DYNC2H1: variants seen among roughly 807,000 people sequenced by gnomAD.
DYNC2H1 encodes dynein cytoplasmic 2 heavy chain 1.
DYNC2H1 carries 410 observed loss-of-function variants against 570.0 expected under a neutral mutation model. The observed-to-expected ratio is 0.72, with a 90% CI of 0.66 to 0.78. The LOEUF is 0.78. DYNC2H1 is among the 30% of genes least tolerant of loss of function. The pLI is 0.00. For missense variants in DYNC2H1, 4,865 were observed against 5,046.4 expected, an observed-to-expected ratio of 0.96 and a Z score of 1.09; for synonymous variants, 1,688 against 1,677.6, an observed-to-expected ratio of 1.01 and a Z score of -0.15.
At position 103,311,980 on chromosome 11, in the gene DYNC2H1, A is replaced by G. The variant is rs1867610181; in HGVS notation, c.11596A>G (p.Ser3866Gly). The G allele has an allele frequency of 1.2e-6, 2 of 1,613,556 alleles. No individual in the cohort carries two copies. The highest frequency in any genetic ancestry group is 1.7e-6 in the Non-Finnish European group (2 of 1,179,766). The change falls in exon 79 of 89, where the codon AGT becomes GGT. Residue 3866 changes from serine (S) to glycine (G), a missense_variant. Physicochemically the swap from Ser to Gly is moderately conservative, Grantham distance 56. Around this residue, in one of 5 missense-constraint regions of DYNC2H1, gnomAD observed 2,401 missense variants for 2,454.6 expected, o/e 0.98. Coordinates refer to ENST00000375735, the MANE Select transcript of DYNC2H1 (RefSeq NM_001377.3). ...DNTHRAHALF[S>G]LAWFHAACQE... ...TACACATCGAGCTCATGCTCTCTTC[A>G]GTCTTGCATGGTTTCATGCTGCATG...
intron 88 of DYNC2H1, among the ~76,000 whole-genome samples, chr11:103,473,198 A>C (rs1945442355): frequency 6.6e-6 from 1 of 152,142 alleles, no homozygotes; most frequent in South Asian, 2.1e-4. Flanking sequence ...ATGCTGATGA[A>C]ATATTTTTCT....
Position 103,153,391 on chromosome 11 carries a change from A to T in DYNC2H1, c.3185A>T (p.Lys1062Met), listed in dbSNP as rs767787701. The T allele has an allele frequency of 5.1e-6, 8 of 1,555,016 alleles. No homozygotes were observed. The South Asian group carries it at 9.6e-5, about 19-fold the overall frequency. ...TTTAAAGCTCGTTGGGACCAACTAAAGCCTGGTGATGATGTTATTGAAACT... is the reference window on the plus strand; with the variant it reads ...TTTAAAGCTCGTTGGGACCAACTAATGCCTGGTGATGATGTTATTGAAACT... ...EKFKARWDQLKPGDDVIETGQ... is the reference protein window; with the variant it reads ...EKFKARWDQLMPGDDVIETGQ... The change falls in exon 22 of 89, where the codon AAG (lysine) becomes ATG (methionine). Residue 1062 changes from lysine to methionine, a missense_variant. This residue lies in a region of DYNC2H1 where 1,936 missense variants were observed against 1,962.1 expected (regional missense o/e 0.99). Coordinates refer to ENST00000375735, the MANE Select transcript of DYNC2H1 (RefSeq NM_001377.3).
intron 83 of DYNC2H1, among the ~76,000 whole-genome samples, chr11:103,380,996 A>G (rs1342086906): frequency 2.6e-5 from 4 of 152,224 alleles, no homozygotes; most frequent in African/African-American, 9.6e-5. Context: ...TGGAGTGCTT[A>G]TGCTTTATCC....
intron 75 of DYNC2H1, among the ~76,000 whole-genome samples, chr11:103,297,283 A>T (rs186634166): frequency 6.6e-6 from 1 of 152,292 alleles, no homozygotes; most frequent in Admixed American, 6.5e-5. Context: ...CCCCAAAAGT[A>T]CAGTCATGTG....
At chr11:103,248,489 A>G (rs1257624324) in intron 65 of DYNC2H1, among the ~76,000 whole-genome samples, 1 of 152,052 alleles carries the variant, frequency 6.6e-6, no homozygotes, top group African/African-American at 2.4e-5. Context: ...ATAATTAGCA[A>G]TATCCCAGTC....
At position 103,120,435 on chromosome 11, in the gene DYNC2H1, A is replaced by G; in HGVS notation, c.1000-12A>G. ...TTTAAATAAATTCTGTTGTTTTAAT[A>G]CTTCATTTTAGGTCTTGGCTATTAG... On this transcript the variant is annotated splice_polypyrimidine_tract_variant and intron_variant, in intron 6 of 88. Transcript: ENST00000375735. The G allele has an allele frequency of 1.3e-6, 2 of 1,595,170 alleles. No individual in the cohort carries two copies. Among genetic ancestry groups the G allele is most frequent in the Non-Finnish European group, 8.6e-7 (1 of 1,169,408 alleles).
chr11:103,365,660 G>A (rs1940871288), intron 83 of DYNC2H1, among the ~76,000 whole-genome samples: 1 of 152,162 alleles, frequency 6.6e-6, no homozygotes, highest in Admixed American at 6.5e-5. Flanking sequence ...AGATGGCAAA[G>A]CTAAGTAGAT....
Position 103,186,263 on chromosome 11 carries a change from T to C in DYNC2H1, c.6655T>C (p.Ser2219Pro), listed in dbSNP as rs561136552. Residue 2219 changes from serine to proline, a missense_variant, in exon 42 of 89, where the codon TCT becomes CCT. Around this residue, in one of 5 missense-constraint regions of DYNC2H1, gnomAD observed 231 missense variants for 310.3 expected, o/e 0.74. Transcript: ENST00000375735. The surrounding 1 kb of genome is among the most constrained non-coding windows in gnomAD (Gnocchi z 4.5). ...TAAGGTTTTTCATTGGGCACGAGAA[T>C]CTCCTCCAGACTTTCACAAACCTAT... ...TKEVFHWARE[S>P]PPDFHKPMDT... 1 of 1,611,260 alleles carries C rather than the reference T, an allele frequency of 6.2e-7. No individual in the cohort carries two copies. Among genetic ancestry groups the C allele is most frequent in the African/African-American group, 1.3e-5 (1 of 74,926 alleles).
In DYNC2H1 at chr11:103,424,118, A is replaced by C. The variant is rs369458308; in HGVS notation, c.12367-11825A>C. 3.3e-5 allele frequency among the ~76,000 whole-genome samples: 5 copies of C among 152,214 alleles called. No individual in the cohort carries two copies. In the East Asian group the frequency reaches 9.7e-4, roughly 29 times the overall value. ...TTAGGGGGAAAGGGAGAATGACTGCATGGATCCAGAGTATTTTGGGGGATT... is the reference window on the plus strand; with the variant it reads ...TTAGGGGGAAAGGGAGAATGACTGCCTGGATCCAGAGTATTTTGGGGGATT... On this transcript the variant is annotated intron_variant, in intron 84 of 88. Coordinates refer to ENST00000375735, the MANE Select transcript of DYNC2H1 (RefSeq NM_001377.3).
chr11:103,476,983 CAT>C (rs1945572480), intron 88 of DYNC2H1, among the ~76,000 whole-genome samples: 2 of 152,108 alleles, frequency 1.3e-5, no homozygotes, highest in South Asian at 4.1e-4. Context: ...GAATCAGAGA[CAT>C]GTGGATAAAT....
At chr11:103,221,940 T>A in intron 57 of DYNC2H1, 90 bp from the exon 58 acceptor site, 2 of 1,318,934 alleles carry the variant, frequency 1.5e-6, no homozygotes, top group South Asian at 1.3e-5. Context: ...GGATTAAAAG[T>A]ATTGCATACA....
In DYNC2H1 at chr11:103,154,626, T is replaced by A; in HGVS notation, c.3458+20T>A. 1 of 1,579,820 alleles carries A rather than the reference T, an allele frequency of 6.3e-7. No individual in the cohort carries two copies. The highest frequency in any genetic ancestry group is 1.2e-5 in the South Asian group (1 of 84,048). On this transcript the variant is annotated intron_variant, in intron 23 of 88. Transcript: ENST00000375735. Reference sequence around the variant, plus strand: ...TTTTCGGTTTGATTCAAAAACAATATTTAGACTAATAATTTGGTTGTTTTA... The same window carrying A: ...TTTTCGGTTTGATTCAAAAACAATAATTAGACTAATAATTTGGTTGTTTTA...
At chr11:103,233,893 A>T in intron 60 of DYNC2H1, 141 bp from the exon 61 acceptor site, 1 of 608,306 alleles carries the variant, frequency 1.6e-6, no homozygotes, top group South Asian at 2.1e-5. Flanking sequence ...TGTCTCTTCT[A>T]TTAATGATAC....
chr11:103,471,345 G>A (rs1945380000), intron 88 of DYNC2H1, among the ~76,000 whole-genome samples: 1 of 152,110 alleles, frequency 6.6e-6, no homozygotes, highest in Non-Finnish European at 1.5e-5. Context: ...AGCTAAGAAG[G>A]AAAGAACATG....
chr11:103,295,360 C>G (rs1866776172), intron 75 of DYNC2H1, among the ~76,000 whole-genome samples: 1 of 152,132 alleles, frequency 6.6e-6, no homozygotes, highest in South Asian at 2.1e-4. Flanking sequence ...CTGACTTATC[C>G]TAGAAGCAGC....
rs2134714858 is a variant in DYNC2H1 at position 103,120,771 on chromosome 11, A to G, written c.1217A>G (p.Tyr406Cys). The change falls in exon 8 of 89, where the codon TAT (tyrosine) becomes TGT (cysteine). Residue 406 changes from tyrosine to cysteine, a missense_variant. Physicochemically the swap from Tyr to Cys is radical, Grantham distance 194. Transcript: ENST00000375735. ...EQKIAGKLKN[Y>C]ISEIQDSPQQ... Reference sequence around the variant, plus strand: ...AAAATAGCAGGAAAATTGAAAAATTATATTTCAGAAATTCAAGACAGTCCA... The same window carrying G: ...AAAATAGCAGGAAAATTGAAAAATTGTATTTCAGAAATTCAAGACAGTCCA... 1.3e-6 allele frequency: 2 copies of G among 1,576,064 alleles called. No homozygotes were observed. Among genetic ancestry groups the G allele is most frequent in the Non-Finnish European group, 1.7e-6 (2 of 1,159,840 alleles).
intron 50 of DYNC2H1, among the ~76,000 whole-genome samples, chr11:103,200,704 T>G (rs1386078015): frequency 6.6e-6 from 1 of 152,226 alleles, no homozygotes; most frequent in East Asian, 1.9e-4. Flanking sequence ...ATGCTACACA[T>G]TAGTGCCCAC....
intron 82 of DYNC2H1, among the ~76,000 whole-genome samples, chr11:103,346,294 T>G (rs1441825583): frequency 6.6e-6 from 1 of 152,210 alleles, no homozygotes; most frequent in Non-Finnish European, 1.5e-5. Context: ...ATTTCTGAAA[T>G]CGGAAAGCTT....
chr11:103,131,555 AT>A (rs1225905449), intron 13 of DYNC2H1, among the ~76,000 whole-genome samples: 2 of 150,958 alleles, frequency 1.3e-5, no homozygotes, highest in Non-Finnish European at 3.0e-5. Flanking sequence ...TTCTTTGGAT[AT>A]TTTTTTTTCT....
Sources: allele counts gnomAD v4.1 joint callset (sites outside exome capture counted in the v4.1 genomes callset), GRCh38; gene constraint gnomAD v4.1.1; regional missense constraint gnomAD v4.1.1; non-coding constraint Gnocchi (gnomAD v3.1); transcripts MANE v1.5; gene names NCBI Gene and HGNC (gene_info 2026-07-23, HGNC 2026-07-21).